Variants in CEP164 observed in about 807,000 individuals in gnomAD.
The protein encoded by CEP164 is centrosomal protein of 164 kDa.
A neutral mutation model predicts 182.7 loss-of-function variants in CEP164; 162 were observed. The observed-to-expected ratio is 0.89, with a 90% CI of 0.78 to 1.01. CEP164 has a LOEUF of 1.01. Ranked by LOEUF, CEP164 falls within the 50% of genes least tolerant of loss-of-function variation. The pLI is 0.00. For synonymous variants in CEP164, 661 were observed against 690.0 expected (o/e 0.96, Z 0.66); for missense variants, 1,735 against 1,790.4 (o/e 0.97, Z 0.56).
chr11:117,373,793 G>C lies in CEP164; in HGVS notation c.1195G>C (p.Asp399His). Reference protein sequence around the residue: ...SEHMKEPQLSDSIASDPKSFH... With the variant: ...SEHMKEPQLSHSIASDPKSFH... ...ACACATGAAGGAACCACAGCTCTCA[G>C]ACTCCATAGCTTCTGACCCCAAGTC... Residue 399 changes from aspartate (D) to histidine (H), a missense_variant, in exon 10 of 33, where the codon GAC (aspartate) becomes CAC (histidine). Coordinates refer to ENST00000278935, the MANE Select transcript of CEP164 (RefSeq NM_014956.5). 6 of 1,614,220 alleles carry C rather than the reference G, an allele frequency of 3.7e-6. No individual in the cohort carries two copies. Among genetic ancestry groups the C allele is most frequent in the Non-Finnish European group, 5.1e-6 (6 of 1,180,034 alleles).
At chr11:117,385,478 A>G (rs916116827) in intron 14 of CEP164, 1 of 152,354 alleles carries the variant, frequency 6.6e-6, no homozygotes, top group African/African-American at 2.4e-5. Context: ...ACTGGTGCTC[A>G]TAGCCTGGGC....
Position 117,338,578 on chromosome 11 carries a change from A to G in CEP164, c.-9A>G, listed in dbSNP as rs1301014803. 3.1e-6 allele frequency: 5 copies of G among 1,613,656 alleles called. No individual in the cohort carries two copies. Among genetic ancestry groups the G allele is most frequent in the Non-Finnish European group, 4.2e-6 (5 of 1,179,560 alleles). ...CTCTGGGATCTAGGTGTTTGAGCCC[A>G]GATGAGTCATGGCTGGACGACCCCT... On this transcript the variant is annotated 5_prime_UTR_variant, in exon 3 of 33. Coordinates refer to ENST00000278935, the MANE Select transcript of CEP164 (RefSeq NM_014956.5).
In CEP164 at chr11:117,371,323, A is replaced by G. The variant is rs151204404; in HGVS notation, c.1009A>G (p.Ser337Gly). 1.2e-5 allele frequency: 19 copies of G among 1,614,244 alleles called. No individual in the cohort carries two copies. The African/African-American group carries it at 2.1e-4, about 18-fold the overall frequency. The part of the protein sequence containing the change: ...LVTPKADPTG[S>G]EPAKASEKEA... ...GACCCCCAAGGCAGACCCTACAGGC[A>G]GTGAGCCTGCCAAAGCCTCTGAAAA... Residue 337 changes from serine (S) to glycine (G), a missense_variant, in exon 9 of 33, where the codon AGT (serine) becomes GGT (glycine). Ser to Gly is a moderately conservative substitution (Grantham distance 56, BLOSUM62 0). Coordinates refer to ENST00000278935, the MANE Select transcript of CEP164 (RefSeq NM_014956.5).
chr11:117,393,066 C>G lies in CEP164; in HGVS notation c.2556C>G (p.Asp852Glu). The G allele has an allele frequency of 6.2e-7, 1 of 1,613,782 alleles. No individual in the cohort carries two copies. Among genetic ancestry groups the G allele is most frequent in the South Asian group, 1.1e-5 (1 of 91,064 alleles). ...AAGGGGAGCATGAGAGGAGGTTGGA[C>G]AAGATGAAGGAGGAGCACCAGCAAG... Reference protein sequence around the residue: ...EVEGEHERRLDKMKEEHQQVM... With the variant: ...EVEGEHERRLEKMKEEHQQVM... The change falls in exon 20 of 33, where the codon GAC (aspartate) becomes GAG (glutamate). Residue 852 changes from aspartate (D) to glutamate (E), a missense_variant. Asp to Glu is a conservative substitution (Grantham distance 45, BLOSUM62 2). Coordinates refer to ENST00000278935, the MANE Select transcript of CEP164 (RefSeq NM_014956.5).
chr11:117,374,540 G>A (rs2042540320), intron 10 of CEP164, among the ~76,000 whole-genome samples: 1 of 152,282 alleles, frequency 6.6e-6, no homozygotes, highest in South Asian at 2.1e-4. Flanking sequence ...GTGTGTGCTC[G>A]CCTCTCACTG....
At position 117,338,629 on chromosome 11, in the gene CEP164, G is replaced by C. The variant is rs748565141; in HGVS notation, c.43G>C (p.Glu15Gln). Residue 15 changes from glutamate (E) to glutamine (Q), a missense_variant, in exon 3 of 33, where the codon GAA becomes CAA. Coordinates refer to ENST00000278935, the MANE Select transcript of CEP164 (RefSeq NM_014956.5). Reference protein sequence around the residue: ...PLRIGDQLVLEEDYDETYIPS... With the variant: ...PLRIGDQLVLQEDYDETYIPS... ...CCGCATAGGAGATCAGCTGGTTCTG[G>C]AAGAAGATTATGATGAGACCTACAT... 3 of 1,614,148 alleles carry C rather than the reference G, an allele frequency of 1.9e-6. No homozygotes were observed. In the South Asian group the frequency reaches 3.3e-5, roughly 18 times the overall value.
At chr11:117,402,936 C>G (rs902587599) in intron 27 of CEP164, among the ~76,000 whole-genome samples, 1 of 152,170 alleles carries the variant, frequency 6.6e-6, no homozygotes, top group Non-Finnish European at 1.5e-5. Context: ...CCTTCTTTGT[C>G]TTTTTTAATC....
At position 117,365,134 on chromosome 11, in the gene CEP164, G is replaced by A. The variant is rs139402318; in HGVS notation, c.765+1628G>A. On this transcript the variant is annotated intron_variant, in intron 8 of 32. Coordinates refer to ENST00000278935, the MANE Select transcript of CEP164 (RefSeq NM_014956.5). ...GTGCCTAGAAGGTTGACCATGTATA[G>A]GACTAGGGGTGTCAGAGGACTTATT... Among the ~76,000 whole-genome samples, 418 of 152,334 alleles carry A rather than the reference G, an allele frequency of 2.7e-3. 3 individuals carry two copies. The highest frequency in any genetic ancestry group is 9.0e-3 in the African/African-American group (375 of 41,568).
At position 117,338,558 on chromosome 11, in the gene CEP164, G is replaced by A. The variant is rs1287356265; in HGVS notation, c.-21-8G>A. Reference sequence around the variant, plus strand: ...TTTTCTCTTTTGGTGGGGGCCTCTGGGATCTAGGTGTTTGAGCCCAGATGA... The same window carrying A: ...TTTTCTCTTTTGGTGGGGGCCTCTGAGATCTAGGTGTTTGAGCCCAGATGA... On this transcript the variant is annotated splice_region_variant and splice_polypyrimidine_tract_variant and intron_variant, in intron 2 of 32. Coordinates refer to ENST00000278935, the MANE Select transcript of CEP164 (RefSeq NM_014956.5). 3.8e-6 allele frequency: 6 copies of A among 1,598,292 alleles called. No individual in the cohort carries two copies. The highest frequency in any genetic ancestry group is 2.2e-5 in the East Asian group (1 of 44,800).
At chr11:117,368,136 C>T (rs962298477) in intron 8 of CEP164, among the ~76,000 whole-genome samples, 2 of 152,118 alleles carry the variant, frequency 1.3e-5, no homozygotes, top group African/African-American at 4.8e-5. Flanking sequence ...GTGACAGAAA[C>T]AGATAAGGAA....
chr11:117,404,844 G>A (rs1219961014), intron 27 of CEP164, among the ~76,000 whole-genome samples: 1 of 152,198 alleles, frequency 6.6e-6, no homozygotes, highest in Non-Finnish European at 1.5e-5. Context: ...TTTCAGAGAT[G>A]GCCTGACCAC....
intron 5 of CEP164, among the ~76,000 whole-genome samples, chr11:117,352,782 T>C (rs1369358649): frequency 1.3e-5 from 2 of 152,196 alleles, no homozygotes; most frequent in Non-Finnish European, 2.9e-5. Context: ...AGTTGGGGTT[T>C]CACCATGTTG....
At chr11:117,393,167 A>T (rs1565583535) in intron 20 of CEP164, 41 bp downstream of exon 20, 1 of 1,599,118 alleles carries the variant, frequency 6.3e-7, no homozygotes, top group African/African-American at 1.3e-5. Context: ...ACACACATGC[A>T]CACACACATG....
chr11:117,337,091 C>T (rs998677213), intron 2 of CEP164, among the ~76,000 whole-genome samples: 10 of 152,238 alleles, frequency 6.6e-5, no homozygotes, highest in Non-Finnish European at 1.2e-4. Flanking sequence ...CTTCTGTCTT[C>T]GCTTGGGCTG....
chr11:117,346,548 C>T (rs1344969225), intron 4 of CEP164, among the ~76,000 whole-genome samples: 5 of 151,448 alleles, frequency 3.3e-5, no homozygotes, highest in Non-Finnish European at 5.9e-5. Context: ...TGAGCCACCA[C>T]GCCCGGCCTA....
chr11:117,406,841 AT>A (rs1294579137), intron 27 of CEP164, among the ~76,000 whole-genome samples: 1 of 152,162 alleles, frequency 6.6e-6, no homozygotes, highest in African/African-American at 2.4e-5. Context: ...CATGCCTGTA[AT>A]GCCAGCACTT....
intron 19 of CEP164, 113 bp downstream of exon 19, chr11:117,392,740 G>A: frequency 2.1e-6 from 3 of 1,437,080 alleles, no homozygotes; most frequent in Non-Finnish European, 2.8e-6. Flanking sequence ...GGCTCAGCTG[G>A]GGTTAGCATT....
chr11:117,352,066 A>G (rs2039707822), intron 5 of CEP164, 78 bp downstream of exon 5: 1 of 1,241,364 alleles, frequency 8.1e-7, no homozygotes, highest in Non-Finnish European at 1.1e-6. Context: ...AGGTGTCTGC[A>G]GCTGGGAGGT....
intron 3 of CEP164, among the ~76,000 whole-genome samples, chr11:117,343,110 A>G (rs1046981303): frequency 3.3e-5 from 5 of 152,012 alleles, no homozygotes; most frequent in South Asian, 2.1e-4. Flanking sequence ...GACTCAGGCA[A>G]TCCTCCCACC....
Sources: gnomAD v4.1 joint callset for allele counts (sites outside exome capture counted in the v4.1 genomes callset) on GRCh38, gnomAD v4.1.1 for gene constraint, MANE v1.5 for transcripts, NCBI Gene and HGNC (gene_info 2026-07-23, HGNC 2026-07-21) for gene names.